Variants in GLG1 observed in about 807,000 individuals in gnomAD.
GLG1 encodes the protein Golgi apparatus protein 1.
In GLG1, 38 loss-of-function variants were observed where a neutral mutation model predicts 160.5. That is an observed-to-expected ratio of 0.24 (90% CI 0.18 to 0.31). The LOEUF is 0.31. GLG1 is among the 10% of genes least tolerant of loss of function. The pLI, the probability that GLG1 is intolerant of heterozygous loss-of-function variation, is 1.00. For synonymous variants in GLG1, 644 were observed against 543.4 expected (o/e 1.19, Z -2.57); for missense variants, 1,373 against 1,505.2 (o/e 0.91, Z 1.45).
chr16:74,503,379 C>T (rs1404157303), intron 4 of GLG1, 152 bp downstream of exon 4: 2 of 628,996 alleles, frequency 3.2e-6, no homozygotes, highest in East Asian at 5.4e-5. Flanking sequence ...ACATTGTCAA[C>T]CAGCCTTAGC....
In GLG1 at chr16:74,485,865, C is replaced by T. The variant is rs759441082; in HGVS notation, c.1502G>A (p.Arg501Gln). 2 of 1,610,568 alleles carry T rather than the reference C, an allele frequency of 1.2e-6. No homozygotes were observed. Among genetic ancestry groups the T allele is most frequent in the Non-Finnish European group, 1.7e-6 (2 of 1,176,800 alleles). The change falls in exon 9 of 26, where the codon CGA becomes CAA. Residue 501 changes from arginine to glutamine, a missense_variant. Around this residue, in one of 4 missense-constraint regions of GLG1, gnomAD observed 386 missense variants for 388.5 expected, o/e 0.99. Transcript: ENST00000422840. The part of the protein sequence containing the change: ...TDPGADYRID[R>Q]ALNEACESVI... ...AGATTCACAAGCTTCATTCAAAGCT[C>T]GATCAATGCGGTAATCTGCACCAGG...
chr16:74,465,584 G>A, intron 19 of GLG1, 92 bp downstream of exon 19: 1 of 1,335,948 alleles, frequency 7.5e-7, no homozygotes, highest in South Asian at 1.3e-5. Flanking sequence ...ACCACACTTT[G>A]AGAAAGCTGA....
At chr16:74,509,064 G>A in intron 2 of GLG1, 139 bp from the exon 3 acceptor site, 1 of 431,988 alleles carries the variant, frequency 2.3e-6, no homozygotes, top group East Asian at 3.2e-5. Flanking sequence ...AACAAAGTAG[G>A]ATAAAATGCC....
At chr16:74,468,122 G>C in intron 17 of GLG1, 1 of 301,344 alleles carries the variant, frequency 3.3e-6, no homozygotes, top group Non-Finnish European at 6.0e-6. Flanking sequence ...AATCACTTTG[G>C]AAAGTCAAAA....
intron 17 of GLG1, 131 bp downstream of exon 17, chr16:74,468,815 T>C (rs910110653): frequency 7.5e-6 from 5 of 669,342 alleles, no homozygotes; most frequent in Admixed American, 2.3e-5. Flanking sequence ...ATGTTAAAAC[T>C]TTTGCACAGG....
chr16:74,492,815 C>T (rs1413265539), intron 7 of GLG1, 142 bp downstream of exon 7: 2 of 495,942 alleles, frequency 4.0e-6, no homozygotes, highest in East Asian at 3.5e-5. Context: ...CGAGAGACTC[C>T]GTCTCAAGAA....
chr16:74,604,016 C>G (rs1321718187), intron 1 of GLG1, among the ~76,000 whole-genome samples: 1 of 151,334 alleles, frequency 6.6e-6, no homozygotes, highest in Non-Finnish European at 1.5e-5. Flanking sequence ...CAAGGCCAGG[C>G]ACAGTGGCTC....
At chr16:74,474,439 G>T in intron 13 of GLG1, 107 bp downstream of exon 13, 1 of 705,930 alleles carries the variant, frequency 1.4e-6, no homozygotes. Context: ...TCTTTTGATT[G>T]ACAGAAAATC....
At chr16:74,501,296 C>G (rs1432072483) in intron 4 of GLG1, among the ~76,000 whole-genome samples, 3 of 152,046 alleles carry the variant, frequency 2.0e-5, no homozygotes, top group Non-Finnish European at 4.4e-5. Flanking sequence ...TCTATCTCAC[C>G]GTCCCCAAAA....
At chr16:74,585,037 C>T (rs1038357369) in intron 1 of GLG1, among the ~76,000 whole-genome samples, 2 of 152,158 alleles carry the variant, frequency 1.3e-5, no homozygotes, top group Non-Finnish European at 2.9e-5. Context: ...CCAAACACCA[C>T]ATGTTCCCCA....
chr16:74,522,873 CAG>C (rs2143563896), intron 2 of GLG1, among the ~76,000 whole-genome samples: 1 of 152,236 alleles, frequency 6.6e-6, no homozygotes, highest in South Asian at 2.1e-4. Flanking sequence ...TTTGTAGAGA[CAG>C]AGTTTCACCA....
At chr16:74,457,834 G>A (rs1357039228) in intron 24 of GLG1, 40 bp downstream of exon 24, 3 of 1,600,564 alleles carry the variant, frequency 1.9e-6, no homozygotes, top group African/African-American at 1.3e-5. Context: ...CTCTTCCCAA[G>A]AGAGTTCAGA....
chr16:74,597,616 G>A (rs1016488144), intron 1 of GLG1, among the ~76,000 whole-genome samples: 16 of 152,046 alleles, frequency 1.1e-4, no homozygotes, highest in Non-Finnish European at 1.9e-4. Flanking sequence ...CACTTTGGGA[G>A]GCCGAAGCTG....
intron 19 of GLG1, chr16:74,463,813 G>T: frequency 4.0e-6 from 1 of 252,942 alleles, no homozygotes; most frequent in East Asian, 1.0e-4. Context: ...GGTATCAGGT[G>T]ATCCACCCAC....
chr16:74,512,639 T>A (rs1435264470), intron 2 of GLG1, among the ~76,000 whole-genome samples: 5 of 150,358 alleles, frequency 3.3e-5, no homozygotes, highest in Admixed American at 3.3e-4. Flanking sequence ...TACTATAATC[T>A]GGACATCCTT....
Position 74,523,363 on chromosome 16 carries a change from C to T in GLG1, c.471+8758G>A, listed in dbSNP as rs572576283. ...CACTGCCTTAATTACCGCTGCTTTA[C>T]GGTAACTCTTCCACCAGGTAGTACA... On this transcript the variant is annotated intron_variant, in intron 2 of 25. Coordinates refer to ENST00000422840, the MANE Select transcript of GLG1 (RefSeq NM_001145667.2). 2.2e-4 allele frequency among the ~76,000 whole-genome samples: 34 copies of T among 152,206 alleles called. No individual in the cohort carries two copies. The East Asian group carries it at 4.6e-3, about 21-fold the overall frequency.
At chr16:74,560,201 T>C in intron 1 of GLG1, among the ~76,000 whole-genome samples, 1 of 152,068 alleles carries the variant, frequency 6.6e-6, no homozygotes, top group Admixed American at 6.6e-5. Context: ...CCAATGTGGG[T>C]GGGTCCCATT....
rs1296424977 is a variant in GLG1 at position 74,458,019 on chromosome 16, C to T, written c.3145-25G>A. The T allele has an allele frequency of 3.1e-6, 5 of 1,611,194 alleles. No homozygotes were observed. The Admixed American group carries it at 8.3e-5, about 27-fold the overall frequency. On this transcript the variant is annotated intron_variant, in intron 23 of 25. Transcript: ENST00000422840. ...CCTGGAAAGGGAGGGTCATTGCAGACAGAGCTTTTGAAGGGGAAATGCATC... is the reference window on the plus strand; with the variant it reads ...CCTGGAAAGGGAGGGTCATTGCAGATAGAGCTTTTGAAGGGGAAATGCATC...
At chr16:74,526,272 G>C (rs1051663169) in intron 2 of GLG1, among the ~76,000 whole-genome samples, 4 of 147,060 alleles carry the variant, frequency 2.7e-5, no homozygotes, top group Non-Finnish European at 4.5e-5. Flanking sequence ...TCTCTGGAAA[G>C]TAATGTAAAA....
Sources: gnomAD v4.1 joint callset for allele counts (sites outside exome capture counted in the v4.1 genomes callset) on GRCh38, gnomAD v4.1.1 for gene constraint, gnomAD v4.1.1 regional missense constraint, MANE v1.5 for transcripts, NCBI Gene and HGNC (gene_info 2026-07-23, HGNC 2026-07-21) for gene names.